The following TRAPPC9 variants were observed in gnomAD, a reference collection of about 807,000 sequenced individuals.
TRAPPC9 encodes trafficking protein particle complex subunit 9.
TRAPPC9 carries 83 observed loss-of-function variants against 124.0 expected under a neutral mutation model. The ratio of observed to expected loss-of-function variants is 0.67; its 90% CI spans 0.56 to 0.80. TRAPPC9 has a LOEUF of 0.80. TRAPPC9 is among the 30% of genes least tolerant of loss of function. The pLI, the probability that TRAPPC9 is intolerant of heterozygous loss-of-function variation, is 0.00. For missense variants in TRAPPC9, 1,302 were observed against 1,508.3 expected (o/e 0.86, Z 2.27); for synonymous variants, 638 against 617.5 (o/e 1.03, Z -0.49).
At chr8:140,325,611 G>A (rs974277275) in intron 9 of TRAPPC9, among the ~76,000 whole-genome samples, 9 of 152,192 alleles carry the variant, frequency 5.9e-5, no homozygotes, top group Non-Finnish European at 1.0e-4. Flanking sequence ...TAAAGAAGTT[G>A]AATCTGTAAT....
chr8:140,008,993 G>A (rs1266898468), intron 18 of TRAPPC9, among the ~76,000 whole-genome samples: 2 of 152,110 alleles, frequency 1.3e-5, no homozygotes, highest in Admixed American at 6.5e-5. Context: ...AATGACATGG[G>A]TCTGAATCAA....
At chr8:139,784,327 A>G (rs1419666401) in intron 21 of TRAPPC9, among the ~76,000 whole-genome samples, 1 of 152,206 alleles carries the variant, frequency 6.6e-6, no homozygotes, top group East Asian at 1.9e-4. Context: ...TAATCCCAGA[A>G]CTTTGGGAGG....
intron 21 of TRAPPC9, among the ~76,000 whole-genome samples, chr8:139,841,419 G>GGCCGGCGGGC (rs1174693796): frequency 6.6e-6 from 1 of 152,216 alleles, no homozygotes; most frequent in African/African-American, 2.4e-5. Flanking sequence ...TGCTGGTGGG[G>GGCCGGCGGGC]GCCGGCGGGC....
intron 21 of TRAPPC9, among the ~76,000 whole-genome samples, chr8:139,756,458 A>T (rs201258430): frequency 1.3e-3 from 39 of 29,840 alleles, no homozygotes; most frequent in East Asian, 9.3e-3. Context: ...CAGGTCGCAG[A>T]AGGAGCCAGG....
chr8:140,367,688 T>C (rs746816788), intron 8 of TRAPPC9, among the ~76,000 whole-genome samples: 2 of 152,164 alleles, frequency 1.3e-5, no homozygotes, highest in Non-Finnish European at 2.9e-5. Flanking sequence ...ACCCACAGAA[T>C]GTACACCACC....
intron 11 of TRAPPC9, among the ~76,000 whole-genome samples, chr8:140,300,111 T>G (rs180936824): frequency 1.3e-5 from 2 of 152,322 alleles, no homozygotes; most frequent in East Asian, 3.9e-4. Context: ...AAATCACATC[T>G]ATGGGCAATT....
intron 21 of TRAPPC9, among the ~76,000 whole-genome samples, chr8:139,812,265 C>A (rs747769230): frequency 7.2e-5 from 11 of 152,270 alleles, no homozygotes; most frequent in Non-Finnish European, 1.6e-4. Flanking sequence ...AATCATAATA[C>A]ATGCTTGGCT....
At chr8:140,006,326 G>C (rs974532982) in intron 18 of TRAPPC9, among the ~76,000 whole-genome samples, 1 of 152,114 alleles carries the variant, frequency 6.6e-6, no homozygotes, top group Admixed American at 6.5e-5. Flanking sequence ...ATTTGGAATG[G>C]CTGGAATCAA....
intron 18 of TRAPPC9, among the ~76,000 whole-genome samples, chr8:140,007,979 C>T (rs1426191502): frequency 6.6e-6 from 1 of 152,174 alleles, no homozygotes; most frequent in Non-Finnish European, 1.5e-5. Context: ...GTGGATGACA[C>T]ATGGAACTCG....
At chr8:139,865,564 C>T (rs894006573) in intron 21 of TRAPPC9, among the ~76,000 whole-genome samples, 9 of 151,956 alleles carry the variant, frequency 5.9e-5, no homozygotes, top group African/African-American at 9.7e-5. Flanking sequence ...TGACCTAGGC[C>T]GGGAAGAATG....
intron 17 of TRAPPC9, among the ~76,000 whole-genome samples, chr8:140,172,707 T>A (rs1400813403): frequency 6.6e-6 from 1 of 152,172 alleles, no homozygotes; most frequent in Non-Finnish European, 1.5e-5. Context: ...GTTTAGAAAG[T>A]TTCCAGCACA....
At chr8:139,932,422 CCCG>C in intron 19 of TRAPPC9, 1 of 457,868 alleles carries the variant, frequency 2.2e-6, no homozygotes, top group Admixed American at 2.3e-5. Flanking sequence ...CTTTCTTTCT[CCCG>C]TCATAAGTAC....
Position 140,157,037 on chromosome 8 carries a change from GCCTCCCTTTTCCATTCAA to G in TRAPPC9, c.2556+64404_2556+64421del, listed in dbSNP as rs1220940730. Among the ~76,000 whole-genome samples, 16 of 94,176 alleles carry G rather than the reference GCCTCCCTTTTCCATTCAA, an allele frequency of 1.7e-4. 1 individual carries two copies. Among genetic ancestry groups the G allele is most frequent in the African/African-American group, 5.6e-4 (12 of 21,328 alleles). The allele number at this position is 94,176 out of a possible 152,430, so 61.8% of individuals were successfully genotyped here. A position where few individuals can be genotyped will look rare whatever the true frequency, so the allele number is the denominator to read the frequency against. Reference sequence around the variant, plus strand: ...AGAAGCCTCCCTTTTCCATTCAAAAGCCTCCCTTTTCCATTCAAAAGCCTCCCTTTCCATTCAAAAGCC... The same window carrying G: ...AGAAGCCTCCCTTTTCCATTCAAAAGAAGCCTCCCTTTCCATTCAAAAGCC... On this transcript the variant is annotated intron_variant, in intron 17 of 22. Coordinates refer to ENST00000438773, the MANE Select transcript of TRAPPC9 (RefSeq NM_001160372.4).
chr8:140,410,760 G>T (rs1044713339), intron 5 of TRAPPC9, among the ~76,000 whole-genome samples: 1 of 151,560 alleles, frequency 6.6e-6, no homozygotes, highest in Non-Finnish European at 1.5e-5. Flanking sequence ...GGAGAATGGC[G>T]TGAACACAGG....
intron 17 of TRAPPC9, among the ~76,000 whole-genome samples, chr8:140,143,510 C>T (rs1267577788): frequency 6.6e-6 from 1 of 152,162 alleles, no homozygotes; most frequent in Non-Finnish European, 1.5e-5. Context: ...GTAAATTTTG[C>T]TCATAATGTC....
intron 21 of TRAPPC9, among the ~76,000 whole-genome samples, chr8:139,801,351 C>T (rs1823513985): frequency 6.6e-6 from 1 of 152,242 alleles, no homozygotes; most frequent in African/African-American, 2.4e-5. Flanking sequence ...CCGGACACCT[C>T]CTGAGCCAGG....
intron 19 of TRAPPC9, among the ~76,000 whole-genome samples, chr8:139,939,013 A>G (rs1833724500): frequency 6.6e-6 from 1 of 152,226 alleles, no homozygotes; most frequent in Admixed American, 6.5e-5. Context: ...CCTCAGATTC[A>G]GCTCCTCCAT....
intron 10 of TRAPPC9, among the ~76,000 whole-genome samples, chr8:140,311,012 C>T (rs950396914): frequency 1.3e-5 from 2 of 152,010 alleles, no homozygotes; most frequent in East Asian, 1.9e-4. Flanking sequence ...GACGTGACTC[C>T]GCCATTTAGT....
At chr8:139,876,543 T>C (rs1829333901) in intron 21 of TRAPPC9, among the ~76,000 whole-genome samples, 1 of 152,206 alleles carries the variant, frequency 6.6e-6, no homozygotes. Context: ...ACCTGCTGAC[T>C]GATCTGGAAC....
Sources: allele counts gnomAD v4.1 joint callset (sites outside exome capture counted in the v4.1 genomes callset), GRCh38; gene constraint gnomAD v4.1.1; transcripts MANE v1.5; gene names NCBI Gene and HGNC (gene_info 2026-07-23, HGNC 2026-07-21).